ZNF347: variants seen among roughly 807,000 people sequenced by gnomAD.
ZNF347 encodes zinc finger protein 347, also known as CTD-2620I22.7.
In ZNF347, 19 loss-of-function variants were observed where a neutral mutation model predicts 12.9. That is an observed-to-expected ratio of 1.47 (90% confidence interval 1.03 to 2.16). ZNF347 has a LOEUF of 2.16. Among genes scored for constraint, ZNF347 ranks in the 30% most tolerant of loss-of-function variants. The pLI, the probability that ZNF347 is intolerant of heterozygous loss-of-function variation, is 0.00. For missense variants in ZNF347, 1,005 were observed against 990.6 expected, an observed-to-expected ratio of 1.01 and a Z score of -0.19; for synonymous variants, 328 against 340.6, an observed-to-expected ratio of 0.96 and a Z score of 0.41.
Position 53,140,298 on chromosome 19 carries a change from T to G in ZNF347, c.*10A>C, listed in dbSNP as rs1599850291. 6.5e-7 allele frequency: 1 copy of G among 1,530,190 alleles called. No individual in the cohort carries two copies. Among genetic ancestry groups the G allele is most frequent in the Admixed American group, 2.2e-5 (1 of 45,446 alleles). The allele number at this position is 1,530,190 out of a possible 1,614,324, so 94.8% of individuals were successfully genotyped here. A position where few individuals can be genotyped will look rare whatever the true frequency, so the allele number is the denominator to read the frequency against. On this transcript the variant is annotated 3_prime_UTR_variant, in exon 5 of 5. Transcript: ENST00000334197. ...AAAGTTACCACCTTCATTTGTAAGGTTTCTCTCCACTATGAATTCTGTGAT... is the reference window on the plus strand; with the variant it reads ...AAAGTTACCACCTTCATTTGTAAGGGTTCTCTCCACTATGAATTCTGTGAT...
chr19:53,147,096 C>A (rs2090467819), intron 4 of ZNF347, among the ~76,000 whole-genome samples: 1 of 151,960 alleles, frequency 6.6e-6, no homozygotes. Flanking sequence ...AGGATTTGGC[C>A]AGGCACGGTG....
Position 53,153,736 on chromosome 19 carries a change from G to T in ZNF347, c.12C>A (p.Thr4=). Residue 4 remains threonine, a synonymous_variant, in exon 2 of 5, where the codon ACC becomes ACA. Coordinates refer to ENST00000334197, the MANE Select transcript of ZNF347 (RefSeq NM_032584.3). ...TCCACTGATAATATTACCTTACCTG[G>T]GTGAGAGCCATGCCTGACTTGTCTT... MAL[T]QGQVTFRDVA... is the part of the protein sequence containing the mutation. 6.2e-7 allele frequency: 1 copy of T among 1,613,872 alleles called. No homozygotes were observed. The highest frequency in any genetic ancestry group is 8.5e-7 in the Non-Finnish European group (1 of 1,179,782).
In ZNF347 at chr19:53,140,312, G is replaced by A; in HGVS notation, c.2516C>T (p.Ser839Leu). 2.6e-6 allele frequency: 4 copies of A among 1,541,930 alleles called. No individual in the cohort carries two copies. Among genetic ancestry groups the A allele is most frequent in the Non-Finnish European group, 3.5e-6 (4 of 1,148,774 alleles). Residue 839 changes from serine (S) to leucine (L), a missense_variant, in exon 5 of 5, where the codon TCA becomes TTA. Physicochemically the swap from Ser to Leu is moderately radical, Grantham distance 145. Coordinates refer to ENST00000334197, the MANE Select transcript of ZNF347 (RefSeq NM_032584.3). ...CATTTGTAAGGTTTCTCTCCACTAT[G>A]AATTCTGTGATGGCTTGCAAGGTTT... ...EFKPCKPSQN[S>L] is the part of the protein sequence containing the mutation.
At chr19:53,153,375 G>A (rs929844245) in intron 2 of ZNF347, among the ~76,000 whole-genome samples, 13 of 152,096 alleles carry the variant, frequency 8.5e-5, no homozygotes, top group African/African-American at 3.1e-4. Flanking sequence ...TGACTTCCAC[G>A]TGCAGCTGCT....
At chr19:53,155,797 A>AG (rs1295941224) in intron 1 of ZNF347, among the ~76,000 whole-genome samples, 3 of 152,202 alleles carry the variant, frequency 2.0e-5, no homozygotes, top group African/African-American at 7.2e-5. Context: ...TACATGGTAC[A>AG]CAATTGCAGG....
In ZNF347 at chr19:53,138,540, G is replaced by C. The variant is rs2090399323; in HGVS notation, c.*1768C>G. 1 of 152,170 alleles carries C rather than the reference G, an allele frequency of 6.6e-6. No individual in the cohort carries two copies. Among genetic ancestry groups the C allele is most frequent in the South Asian group, 2.1e-4 (1 of 4,834 alleles). The allele number at this position is 152,170 out of a possible 1,614,324, so 9.4% of individuals were successfully genotyped here. On this transcript the variant is annotated 3_prime_UTR_variant, in exon 5 of 5. Coordinates refer to ENST00000334197, the MANE Select transcript of ZNF347 (RefSeq NM_032584.3). The stretch of plus-strand genomic sequence containing the variant: ...TTCACCAACACTGTGGCAGCTTTCA[G>C]AGTGTAAGAGTATGAAAACTGCACT...
chr19:53,138,623 T>C lies in ZNF347; in HGVS notation c.*1685A>G, dbSNP rs866365558. 6.6e-6 allele frequency: 1 copy of C among 152,214 alleles called. No individual in the cohort carries two copies. Among genetic ancestry groups the C allele is most frequent in the South Asian group, 2.1e-4 (1 of 4,816 alleles). The allele number at this position is 152,214 out of a possible 1,614,324, so 9.4% of individuals were successfully genotyped here. A position where few individuals can be genotyped will look rare whatever the true frequency, so the allele number is the denominator to read the frequency against. Reference sequence around the variant, plus strand: ...ATTCTAAGGCAGAGTGTAGAGAGAATAATTCAAGTGCAGAGTATGATTACA... The same window carrying C: ...ATTCTAAGGCAGAGTGTAGAGAGAACAATTCAAGTGCAGAGTATGATTACA... On this transcript the variant is annotated 3_prime_UTR_variant, in exon 5 of 5. Coordinates refer to ENST00000334197, the MANE Select transcript of ZNF347 (RefSeq NM_032584.3).
rs59092386 is a variant in ZNF347, at chr19:53,156,673, G to C, written c.-47+2336C>G. On this transcript the variant is annotated intron_variant, in intron 1 of 4. Transcript: ENST00000334197. ...GAAGTGTTTTCCCTGAGTTCTTTGA[G>C]CCGCCCTCACAAATTAATAGAACCT... is the stretch of plus-strand genomic sequence containing the variant. 5.0e-3 allele frequency among the ~76,000 whole-genome samples: 768 copies of C among 152,240 alleles called. 10 individuals are homozygous for C. Among genetic ancestry groups the C allele is most frequent in the African/African-American group, 0.017 (710 of 41,544 alleles).
intron 3 of ZNF347, 155 bp from the exon 4 acceptor site, chr19:53,148,964 T>C: frequency 8.6e-7 from 1 of 1,158,450 alleles, no homozygotes; most frequent in Non-Finnish European, 1.2e-6. Context: ...TAGGAAACAC[T>C]ATAATATGCA....
At chr19:53,156,511 C>G (rs933004122) in intron 1 of ZNF347, among the ~76,000 whole-genome samples, 8 of 152,318 alleles carry the variant, frequency 5.3e-5, no homozygotes, top group African/African-American at 1.7e-4. Flanking sequence ...GTCACTTATA[C>G]TTTTGAGTGA....
In ZNF347 at chr19:53,136,323, T is replaced by C. The variant is rs1173732911; in HGVS notation, c.*3985A>G. 1 of 151,958 alleles carries C rather than the reference T, an allele frequency of 6.6e-6. No homozygotes were observed. Among genetic ancestry groups the C allele is most frequent in the Non-Finnish European group, 1.5e-5 (1 of 68,014 alleles). 9.4% of individuals were successfully genotyped at this position (151,958 alleles called of 1,614,324 possible). ...ATTTTATTTCTAAACAACACCCTCA[T>C]TTATGTATTTTCTAAGTGTTCACTG... On this transcript the variant is annotated 3_prime_UTR_variant, in exon 5 of 5. Transcript: ENST00000334197.
rs2090411772 is a variant in ZNF347, at chr19:53,140,277, T to C, written c.*31A>G. ...AAGGAATGAATTCTAACTGCAAAAG[T>C]TACCACCTTCATTTGTAAGGTTTCT... On this transcript the variant is annotated 3_prime_UTR_variant, in exon 5 of 5. Transcript: ENST00000334197. 6.6e-7 allele frequency: 1 copy of C among 1,515,018 alleles called. No homozygotes were observed. Among genetic ancestry groups the C allele is most frequent in the African/African-American group, 1.4e-5 (1 of 71,664 alleles). 93.8% of individuals were successfully genotyped at this position (1,515,018 alleles called of 1,614,324 possible).
rs368840889 is a variant in ZNF347, at chr19:53,141,976, A to G, written c.852T>C (p.Thr284=). ...SHLASHQRSH[T]KEKPYKCYEC... Reference sequence around the variant, plus strand: ...CATAACATTTGTAAGGTTTCTCTTTAGTATGACTTCTCTGATGACTTGCAA... The same window carrying G: ...CATAACATTTGTAAGGTTTCTCTTTGGTATGACTTCTCTGATGACTTGCAA... Residue 284 remains threonine, a synonymous_variant, in exon 5 of 5, where the codon ACT becomes ACC. Transcript: ENST00000334197. 7.4e-6 allele frequency: 12 copies of G among 1,614,058 alleles called. No individual in the cohort carries two copies. The highest frequency in any genetic ancestry group is 1.6e-4 in the Middle Eastern group (1 of 6,082).
Position 53,141,219 on chromosome 19 carries a change from C to T in ZNF347, c.1609G>A (p.Gly537Arg), listed in dbSNP as rs773399097. 1.1e-5 allele frequency: 18 copies of T among 1,608,252 alleles called. No individual in the cohort carries two copies. Among genetic ancestry groups the T allele is most frequent in the Non-Finnish European group, 1.5e-5 (18 of 1,175,680 alleles). ...TCATTACACATATAAGGCTTCACTC[C>T]AGTATGAATTCTTTGATGATTTGCA... ...HLANHQRIHT[G>R]VKPYMCNECG... Residue 537 changes from glycine to arginine, a missense_variant, in exon 5 of 5, where the codon GGA becomes AGA. Transcript: ENST00000334197.
At position 53,142,206 on chromosome 19, in the gene ZNF347, T is replaced by C; in HGVS notation, c.622A>G (p.Asn208Asp). 6.2e-7 allele frequency: 1 copy of C among 1,613,878 alleles called. No individual in the cohort carries two copies. Among genetic ancestry groups the C allele is most frequent in the Admixed American group, 1.7e-5 (1 of 59,964 alleles). ...FQYEGKIYECNQVEKSFNNNS... is the reference protein window; with the variant it reads ...FQYEGKIYECDQVEKSFNNNS... ...TTGTTGAAAGACTTCTCAACCTGAT[T>C]ACATTCATAAATTTTCCCTTCATAT... The change falls in exon 5 of 5, where the codon AAT becomes GAT. Residue 208 changes from asparagine to aspartate, a missense_variant. Asn to Asp is a conservative substitution (Grantham distance 23, BLOSUM62 1). Coordinates refer to ENST00000334197, the MANE Select transcript of ZNF347 (RefSeq NM_032584.3).
intron 1 of ZNF347, among the ~76,000 whole-genome samples, chr19:53,155,336 T>TGTGTGTG (rs1221175675): frequency 1.6e-3 from 180 of 111,844 alleles, no homozygotes; most frequent in African/African-American, 5.5e-3. Context: ...GTGTGTGTGT[T>TGTGTGTG]TGTTTTTTGT....
intron 2 of ZNF347, 169 bp from the exon 3 acceptor site, chr19:53,149,536 T>A: frequency 1.5e-6 from 2 of 1,313,560 alleles, no homozygotes; most frequent in Non-Finnish European, 2.0e-6. Context: ...TACATCTCAC[T>A]TGGAATCTCT....
intron 4 of ZNF347, among the ~76,000 whole-genome samples, chr19:53,143,151 C>T (rs1347328580): frequency 1.3e-5 from 2 of 151,956 alleles, no homozygotes; most frequent in Admixed American, 1.3e-4. Context: ...GTTTTAGTTT[C>T]TTTTTTTGCA....
chr19:53,142,289 A>G lies in ZNF347; in HGVS notation c.539T>C (p.Ile180Thr). The part of the protein sequence containing the change: ...HDKRDARNKL[I>T]KNQLGLSLQS... ...AAGGCTTAATCCAAGCTGATTTTTA[A>G]TAAGCTTGTTTCTTGCATCTCTTTT... Residue 180 changes from isoleucine (I) to threonine (T), a missense_variant, in exon 5 of 5, where the codon ATT becomes ACT. Transcript: ENST00000334197. 6.2e-7 allele frequency: 1 copy of G among 1,613,906 alleles called. No individual in the cohort carries two copies. Among genetic ancestry groups the G allele is most frequent in the Non-Finnish European group, 8.5e-7 (1 of 1,179,940 alleles).
Sources: gnomAD v4.1 joint callset for allele counts (sites outside exome capture counted in the v4.1 genomes callset) on GRCh38, gnomAD v4.1.1 for gene constraint, MANE v1.5 for transcripts, NCBI Gene and HGNC (gene_info 2026-07-23, HGNC 2026-07-21) for gene names.